The following ATOH8 variants were observed in gnomAD, a reference collection of about 807,000 sequenced individuals.
ATOH8 encodes transcription factor ATOH8.
In ATOH8, 9 loss-of-function variants were observed where a neutral mutation model predicts 21.2. That is an observed-to-expected ratio of 0.42 (90% CI 0.26 to 0.74). ATOH8 has a LOEUF of 0.74. ATOH8 is among the 30% of genes least tolerant of loss of function. The probability of loss-of-function intolerance (pLI) is 0.24; values close to 1 mark genes in which losing one functional copy is unlikely to be tolerated. For missense variants in ATOH8, 524 were observed against 470.9 expected (o/e 1.11, Z -1.04); for synonymous variants, 253 against 224.0 (o/e 1.13, Z -1.16).
chr2:85,761,849 C>T (rs564486264), intron 1 of ATOH8, among the ~76,000 whole-genome samples: 7 of 152,308 alleles, frequency 4.6e-5, no homozygotes, highest in Non-Finnish European at 8.8e-5. Flanking sequence ...TGGCTGGGAA[C>T]GAGCAAAGTG....
intron 1 of ATOH8, among the ~76,000 whole-genome samples, chr2:85,756,819 C>T (rs1222863507): frequency 2.0e-5 from 3 of 152,118 alleles, no homozygotes; most frequent in African/African-American, 7.2e-5. Context: ...TCTGTATCAG[C>T]GTCATGTGCC....
Position 85,788,223 on chromosome 2 carries a change from G to C in ATOH8, c.*1333G>C, listed in dbSNP as rs1163939762. ...TGTGTGTGTCTGTGTGTGGAAGGGGGTGGAGGGCGGTTCCCACAGTAGTCT... is the reference window on the plus strand; with the variant it reads ...TGTGTGTGTCTGTGTGTGGAAGGGGCTGGAGGGCGGTTCCCACAGTAGTCT... On this transcript the variant is annotated 3_prime_UTR_variant, in exon 3 of 3. Transcript: ENST00000306279. Among the ~76,000 whole-genome samples the C allele has an allele frequency of 6.6e-6, 1 of 151,944 alleles. No individual in the cohort carries two copies. Among genetic ancestry groups the C allele is most frequent in the Admixed American group, 6.6e-5 (1 of 15,258 alleles).
intron 2 of ATOH8, among the ~76,000 whole-genome samples, chr2:85,765,705 G>C (rs1248772216): frequency 6.6e-6 from 1 of 152,124 alleles, no homozygotes; most frequent in African/African-American, 2.4e-5. Flanking sequence ...CCCTACCCCC[G>C]CACCCTCCTC....
intron 2 of ATOH8, among the ~76,000 whole-genome samples, chr2:85,772,413 C>A (rs1240967049): frequency 1.3e-5 from 2 of 152,218 alleles, no homozygotes; most frequent in Non-Finnish European, 2.9e-5. Flanking sequence ...CGCCGCGGCC[C>A]CCCCTCCTGG....
rs769093606 is a variant in ATOH8, at chr2:85,754,627, G to T, written c.438G>T (p.Arg146=). 2.0e-6 allele frequency: 3 copies of T among 1,506,904 alleles called. No individual in the cohort carries two copies. The African/African-American group carries it at 4.3e-5, about 21-fold the overall frequency. 93.3% of individuals were successfully genotyped at this position (1,506,904 alleles called of 1,614,324 possible). A position where few individuals can be genotyped will look rare whatever the true frequency, so the allele number is the denominator to read the frequency against. ...GGGGCCCAGAGGCACAGCCTTTCCG[G>T]GAGCCGGGTCTGCGTCCTCGCATCT... ...APGGPEAQPF[R]EPGLRPRILL... Residue 146 remains arginine, a synonymous_variant, in exon 1 of 3, where the codon CGG becomes CGT. Transcript: ENST00000306279.
rs1679622803 is a variant in ATOH8, at chr2:85,754,686, C to T, written c.497C>T (p.Ser166Leu). The T allele has an allele frequency of 1.3e-6, 2 of 1,587,544 alleles. No homozygotes were observed. Among genetic ancestry groups the T allele is most frequent in the South Asian group, 2.3e-5 (2 of 88,624 alleles). The part of the protein sequence containing the change: ...LCAPPARPAP[S>L]APPAPPAPPE... ...GCACCGCCCGCGCGCCCCGCGCCGT[C>T]AGCACCCCCAGCACCGCCAGCGCCC... The change falls in exon 1 of 3, where the codon TCA (serine) becomes TTA (leucine). Residue 166 changes from serine (S) to leucine (L), a missense_variant. Physicochemically the swap from Ser to Leu is moderately radical, Grantham distance 145 (BLOSUM62 -2). Coordinates refer to ENST00000306279, the MANE Select transcript of ATOH8 (RefSeq NM_032827.7).
chr2:85,776,558 T>C (rs1372506192), intron 2 of ATOH8, among the ~76,000 whole-genome samples: 3 of 152,106 alleles, frequency 2.0e-5, no homozygotes, highest in African/African-American at 7.2e-5. Context: ...TGTGCATGCA[T>C]GCACACACGC....
rs1352075383 is a variant in ATOH8, at chr2:85,787,152, C to G, written c.*262C>G. 2.0e-6 allele frequency: 1 copy of G among 497,760 alleles called. No homozygotes were observed. Among genetic ancestry groups the G allele is most frequent in the African/African-American group, 2.0e-5 (1 of 51,236 alleles). The allele number at this position is 497,760 out of a possible 1,614,324, so 30.8% of individuals were successfully genotyped here. On this transcript the variant is annotated 3_prime_UTR_variant, in exon 3 of 3. Coordinates refer to ENST00000306279, the MANE Select transcript of ATOH8 (RefSeq NM_032827.7). ...CTCAGCCCCCGACTCACTCAGACCCCAAGGCCCACTGTCCAGCTGCAGAAA... is the reference window on the plus strand; with the variant it reads ...CTCAGCCCCCGACTCACTCAGACCCGAAGGCCCACTGTCCAGCTGCAGAAA...
intron 2 of ATOH8, among the ~76,000 whole-genome samples, chr2:85,783,866 A>C (rs1202888966): frequency 6.7e-6 from 1 of 150,270 alleles, no homozygotes; most frequent in Non-Finnish European, 1.5e-5. Flanking sequence ...CGCCCCCCAC[A>C]CACAGCCACT....
chr2:85,763,162 C>A (rs1558609836), intron 1 of ATOH8, among the ~76,000 whole-genome samples: 1 of 152,136 alleles, frequency 6.6e-6, no homozygotes, highest in Non-Finnish European at 1.5e-5. Flanking sequence ...GGAGCTATTT[C>A]CAGGTTCCAA....
At chr2:85,774,821 G>A (rs1680280709) in intron 2 of ATOH8, 2 of 973,862 alleles carry the variant, frequency 2.1e-6, no homozygotes, top group Middle Eastern at 5.3e-4. Flanking sequence ...GCTCAAAGGG[G>A]CTATTTTTGG....
Position 85,754,113 on chromosome 2 carries a change from A to G in ATOH8, c.-77A>G. The G allele has an allele frequency of 7.3e-7, 1 of 1,373,318 alleles. No individual in the cohort carries two copies. The highest frequency in any genetic ancestry group is 9.4e-7 in the Non-Finnish European group (1 of 1,062,410). 85.1% of individuals were successfully genotyped at this position (1,373,318 alleles called of 1,614,324 possible). A position where few individuals can be genotyped will look rare whatever the true frequency, so the allele number is the denominator to read the frequency against. ...AGGGGGAGGGCGGGCGAAGCGGGAGAGCCAGAGACTCCTCGGCGCTGAGCG... is the reference window on the plus strand; with the variant it reads ...AGGGGGAGGGCGGGCGAAGCGGGAGGGCCAGAGACTCCTCGGCGCTGAGCG... On this transcript the variant is annotated 5_prime_UTR_variant, in exon 1 of 3. Coordinates refer to ENST00000306279, the MANE Select transcript of ATOH8 (RefSeq NM_032827.7).
chr2:85,758,289 C>G (rs1175985693), intron 1 of ATOH8, among the ~76,000 whole-genome samples: 1 of 152,260 alleles, frequency 6.6e-6, no homozygotes, highest in Admixed American at 6.5e-5. Flanking sequence ...TATTGCACCC[C>G]CTGCCCTGTT....
At chr2:85,763,595 C>T (rs1050417936) in intron 1 of ATOH8, among the ~76,000 whole-genome samples, 3 of 152,070 alleles carry the variant, frequency 2.0e-5, no homozygotes, top group African/African-American at 7.2e-5. Context: ...CCCAGCAAAA[C>T]AAGTGTTGCT....
chr2:85,777,514 G>A lies in ATOH8; in HGVS notation c.961-9371G>A, dbSNP rs571585104. The stretch of plus-strand genomic sequence containing the variant: ...AGGGCAGAGAGCCGGCAAGCCTCAG[G>A]GACCTTGGAATTGTGTGTGCACTGA... On this transcript the variant is annotated intron_variant, in intron 2 of 2. Coordinates refer to ENST00000306279, the MANE Select transcript of ATOH8 (RefSeq NM_032827.7). 2.0e-5 allele frequency among the ~76,000 whole-genome samples: 3 copies of A among 152,304 alleles called. No homozygotes were observed. The East Asian group carries it at 5.8e-4, about 29-fold the overall frequency.
At chr2:85,760,379 G>A (rs578107555) in intron 1 of ATOH8, among the ~76,000 whole-genome samples, 49 of 152,026 alleles carry the variant, frequency 3.2e-4, no homozygotes, top group Non-Finnish European at 6.0e-4. Flanking sequence ...TGGGCTCTGG[G>A]CCTTGCTGTG....
rs1183507360 is a variant in ATOH8 at position 85,754,827 on chromosome 2, G to A, written c.638G>A (p.Arg213Gln). The change falls in exon 1 of 3, where the codon CGA becomes CAA. Residue 213 changes from arginine (R) to glutamine (Q), a missense_variant. Physicochemically the swap from Arg to Gln is conservative, Grantham distance 43 (BLOSUM62 1). Coordinates refer to ENST00000306279, the MANE Select transcript of ATOH8 (RefSeq NM_032827.7). Reference protein sequence around the residue: ...HQDSSASPRKRPGEATAASSE... With the variant: ...HQDSSASPRKQPGEATAASSE... ...GATTCCTCCGCGTCGCCTAGGAAACGACCGGGCGAAGCGACTGCCGCCTCC... is the reference window on the plus strand; with the variant it reads ...GATTCCTCCGCGTCGCCTAGGAAACAACCGGGCGAAGCGACTGCCGCCTCC... 2 of 1,612,616 alleles carry A rather than the reference G, an allele frequency of 1.2e-6. No individual in the cohort carries two copies. Among genetic ancestry groups the A allele is most frequent in the Non-Finnish European group, 1.7e-6 (2 of 1,179,932 alleles).
At chr2:85,781,079 T>C in intron 2 of ATOH8, 1 of 988,086 alleles carries the variant, frequency 1.0e-6, no homozygotes, top group Non-Finnish European at 1.2e-6. Flanking sequence ...AACGCAAGGA[T>C]GTCCAGGCTT....
chr2:85,761,714 C>T (rs1046428419), intron 1 of ATOH8, among the ~76,000 whole-genome samples: 5 of 152,244 alleles, frequency 3.3e-5, no homozygotes, highest in African/African-American at 9.6e-5. Flanking sequence ...CTCAGGCTGC[C>T]ACACCCTCCC....
Sources: gnomAD v4.1 joint callset for allele counts (sites outside exome capture counted in the v4.1 genomes callset) on GRCh38, gnomAD v4.1.1 for gene constraint, MANE v1.5 for transcripts, NCBI Gene and HGNC (gene_info 2026-07-23, HGNC 2026-07-21) for gene names.